The following ATRNL1 variants were observed in gnomAD, a reference collection of about 807,000 sequenced individuals.
ATRNL1 encodes the protein attractin-like protein 1.
Under a neutral mutation model 182.7 loss-of-function variants are expected in ATRNL1, and 95 were observed. The ratio of observed to expected loss-of-function variants is 0.52; its 90% confidence interval spans 0.44 to 0.62. The LOEUF (loss-of-function observed/expected upper bound fraction) is 0.62, where lower values mean the gene tolerates loss of function less well. Ranked by LOEUF, ATRNL1 falls within the 20% of genes least tolerant of loss-of-function variation. ATRNL1 has a pLI of 0.00. For missense variants in ATRNL1, 1,471 were observed against 1,679.5 expected (o/e 0.88, Z 2.17); for synonymous variants, 576 against 568.3 (o/e 1.01, Z -0.19).
chr10:115,335,223 T>C (rs1855424911), intron 19 of ATRNL1, among the ~76,000 whole-genome samples: 1 of 152,210 alleles, frequency 6.6e-6, no homozygotes, highest in African/African-American at 2.4e-5. Context: ...ATCTCTAGAT[T>C]GGAACTTGTC....
intron 27 of ATRNL1, among the ~76,000 whole-genome samples, chr10:115,779,121 A>G (rs995856661): frequency 1.3e-4 from 20 of 152,196 alleles, no homozygotes; most frequent in Non-Finnish European, 4.4e-5. Context: ...CTGGTAGGCC[A>G]TTGCATGGAA....
At chr10:115,625,254 T>C (rs1858019377) in intron 26 of ATRNL1, among the ~76,000 whole-genome samples, 1 of 152,186 alleles carries the variant, frequency 6.6e-6, no homozygotes, top group Admixed American at 6.5e-5. Flanking sequence ...ACACTGATGA[T>C]TAGCATTTTG....
intron 27 of ATRNL1, among the ~76,000 whole-genome samples, chr10:115,785,492 T>C (rs554622543): frequency 6.6e-6 from 1 of 152,356 alleles, no homozygotes; most frequent in African/African-American, 2.4e-5. Flanking sequence ...AAAACTGTGT[T>C]GATTGCTCAT....
chr10:115,494,859 T>A (rs182046241), intron 24 of ATRNL1, among the ~76,000 whole-genome samples: 86 of 152,202 alleles, frequency 5.7e-4, no homozygotes, highest in Non-Finnish European at 1.1e-3. Flanking sequence ...CCTTGTAGAA[T>A]GAGTTAGAGA....
chr10:115,590,577 C>G (rs1855841818), intron 26 of ATRNL1, among the ~76,000 whole-genome samples: 1 of 152,116 alleles, frequency 6.6e-6, no homozygotes, highest in South Asian at 2.1e-4. Flanking sequence ...CTACTACAGT[C>G]TATTTTATCA....
chr10:115,201,535 A>C (rs1419858005), intron 8 of ATRNL1, among the ~76,000 whole-genome samples: 1 of 152,090 alleles, frequency 6.6e-6, no homozygotes, highest in Non-Finnish European at 1.5e-5. Context: ...AAGATCTGAT[A>C]GTTGTAGATA....
chr10:115,468,283 A>G (rs1554971306), intron 23 of ATRNL1, among the ~76,000 whole-genome samples: 1 of 150,848 alleles, frequency 6.6e-6, no homozygotes, highest in Non-Finnish European at 1.5e-5. Flanking sequence ...AATGTCTATA[A>G]TACATTTCTA....
chr10:115,149,788 T>G (rs1391758599), intron 5 of ATRNL1, among the ~76,000 whole-genome samples: 1 of 152,120 alleles, frequency 6.6e-6, no homozygotes, highest in Non-Finnish European at 1.5e-5. Context: ...GCCTGTAGTT[T>G]TCCTTTTTTT....
intron 26 of ATRNL1, among the ~76,000 whole-genome samples, chr10:115,564,030 T>C (rs879987726): frequency 1.3e-5 from 2 of 152,142 alleles, no homozygotes; most frequent in African/African-American, 2.4e-5. Context: ...GTTCGACCTG[T>C]ACTGTCCTTA....
intron 27 of ATRNL1, among the ~76,000 whole-genome samples, chr10:115,729,495 TTG>T (rs139166434): frequency 0.08 from 11,342 of 142,032 alleles, 585 homozygotes; most frequent in African/African-American, 0.15. Context: ...CTACCCCATT[TTG>T]TGTGTGTGTG....
intron 20 of ATRNL1, among the ~76,000 whole-genome samples, chr10:115,410,217 T>A (rs1845064411): frequency 6.6e-6 from 1 of 152,210 alleles, no homozygotes; most frequent in Non-Finnish European, 1.5e-5. Context: ...GGTTTTGGTA[T>A]CAGGGTTAAC....
At chr10:115,278,460 G>A (rs531224560) in intron 13 of ATRNL1, among the ~76,000 whole-genome samples, 2 of 152,312 alleles carry the variant, frequency 1.3e-5, no homozygotes, top group East Asian at 1.9e-4. Flanking sequence ...AGGAAGTGAC[G>A]TTTAGGAACA....
chr10:115,649,968 A>G (rs1859881398), intron 26 of ATRNL1, among the ~76,000 whole-genome samples: 1 of 152,138 alleles, frequency 6.6e-6, no homozygotes, highest in African/African-American at 2.4e-5. Context: ...AATAGAACTA[A>G]AAGCTCTATT....
chr10:115,645,813 C>T (rs1237374217), intron 26 of ATRNL1, among the ~76,000 whole-genome samples: 2 of 151,816 alleles, frequency 1.3e-5, no homozygotes, highest in Non-Finnish European at 2.9e-5. Flanking sequence ...TTCTTGAAGC[C>T]CCACTCATTT....
intron 27 of ATRNL1, among the ~76,000 whole-genome samples, chr10:115,773,555 G>A (rs1486194548): frequency 3.3e-5 from 5 of 152,048 alleles, no homozygotes; most frequent in Admixed American, 6.6e-5. Context: ...GTATGGCTAC[G>A]TAATCTATGG....
At chr10:115,868,822 C>CTGTTTTTTTTTTTT in intron 28 of ATRNL1, among the ~76,000 whole-genome samples, 1 of 58,092 alleles carries the variant, frequency 1.7e-5, no homozygotes, top group Admixed American at 2.7e-4. Context: ...AGTCTTTATT[C>CTGTTTTTTTTTTTT]TTTTTTTTTT....
intron 24 of ATRNL1, among the ~76,000 whole-genome samples, chr10:115,510,269 A>T (rs1429159287): frequency 1.3e-5 from 2 of 152,108 alleles, no homozygotes; most frequent in South Asian, 4.1e-4. Flanking sequence ...GGATTTGAGG[A>T]TTGACTCCAA....
intron 19 of ATRNL1, among the ~76,000 whole-genome samples, chr10:115,387,096 G>GTCCTTTGTAGGGACATC (rs1564986506): frequency 6.6e-6 from 1 of 151,446 alleles, no homozygotes; most frequent in African/African-American, 2.4e-5. Context: ...CATAAAAAAT[G>GTCCTTTGTAGGGACATC]ATGTCCTTTG....
intron 28 of ATRNL1, among the ~76,000 whole-genome samples, chr10:115,868,508 C>G (rs1214855144): frequency 1.3e-5 from 2 of 152,158 alleles, no homozygotes; most frequent in Non-Finnish European, 2.9e-5. Context: ...TCACAGTATC[C>G]TCTATGTCCA....
Sources: allele counts gnomAD v4.1 joint callset (sites outside exome capture counted in the v4.1 genomes callset), GRCh38; gene constraint gnomAD v4.1.1; transcripts MANE v1.5; gene names NCBI Gene and HGNC (gene_info 2026-07-23, HGNC 2026-07-21).